Variants in REPS1 observed in about 807,000 individuals in gnomAD.
REPS1 encodes the protein RALBP1 associated Eps domain containing 1.
A neutral mutation model predicts 100.9 loss-of-function variants in REPS1; 39 were observed. That is an observed-to-expected ratio of 0.39 (90% CI 0.30 to 0.50). The LOEUF (loss-of-function observed/expected upper bound fraction) is 0.50. REPS1 is among the 20% of genes least tolerant of loss of function. The pLI is 0.86. For missense variants in REPS1, 821 were observed against 968.5 expected (o/e 0.85, Z 2.02); for synonymous variants, 324 against 340.3 (o/e 0.95, Z 0.53).
At chr6:138,957,039 CA>C (rs57271374) in intron 1 of REPS1, among the ~76,000 whole-genome samples, 41,864 of 145,774 alleles carry the variant, frequency 0.29, 6,473 homozygotes, top group East Asian at 0.55. Context: ...TAGAAAAATA[CA>C]AAAAAAAAAG....
intron 1 of REPS1, among the ~76,000 whole-genome samples, chr6:138,956,190 G>T (rs941269429): frequency 2.6e-5 from 4 of 151,980 alleles, no homozygotes; most frequent in Non-Finnish European, 5.9e-5. Flanking sequence ...TCATTATAAT[G>T]ACAGTAAGGG....
intron 1 of REPS1, among the ~76,000 whole-genome samples, chr6:138,953,120 A>C (rs1783149695): frequency 6.6e-6 from 1 of 152,128 alleles, no homozygotes; most frequent in Admixed American, 6.6e-5. Flanking sequence ...TACAGGTGTG[A>C]GCCATTGCGC....
chr6:138,946,272 GGTAGA>G (rs933921271), intron 2 of REPS1, among the ~76,000 whole-genome samples: 4 of 91,356 alleles, frequency 4.4e-5, no homozygotes, highest in Admixed American at 1.2e-4. Context: ...CCAAAAATAT[GGTAGA>G]GTATTCTATC....
At chr6:138,918,622 T>A (rs1780562145) in intron 12 of REPS1, among the ~76,000 whole-genome samples, 2 of 152,190 alleles carry the variant, frequency 1.3e-5, no homozygotes, top group Non-Finnish European at 1.5e-5. Context: ...GACAAAAAGG[T>A]CGCTTTTAAA....
chr6:138,933,540 G>GCTTA (rs144794157), intron 8 of REPS1, among the ~76,000 whole-genome samples: 10,643 of 152,094 alleles, frequency 0.07, 690 homozygotes, highest in East Asian at 0.21. Flanking sequence ...ATCTCACAGG[G>GCTTA]CTTAGTTTTT....
chr6:138,967,844 TATGA>T (rs1260194659), intron 1 of REPS1, among the ~76,000 whole-genome samples: 1 of 152,150 alleles, frequency 6.6e-6, no homozygotes, highest in African/African-American at 2.4e-5. Context: ...CCTGGTACTT[TATGA>T]ATGAATTCAT....
chr6:138,918,328 A>G (rs537528135), intron 12 of REPS1, among the ~76,000 whole-genome samples: 2 of 152,350 alleles, frequency 1.3e-5, no homozygotes, highest in South Asian at 4.1e-4. Context: ...GAGGATGTGC[A>G]TAGGTTACAT....
At chr6:138,987,070 C>A (rs1176534566) in intron 1 of REPS1, among the ~76,000 whole-genome samples, 1 of 152,106 alleles carries the variant, frequency 6.6e-6, no homozygotes, top group Non-Finnish European at 1.5e-5. Flanking sequence ...AAAACTGCTT[C>A]TTCGATTCCT....
intron 1 of REPS1, among the ~76,000 whole-genome samples, chr6:138,975,988 T>C (rs376952315): frequency 6.6e-6 from 1 of 152,232 alleles, no homozygotes; most frequent in African/African-American, 2.4e-5. Context: ...CCAAAGTCTA[T>C]GCTATTTTGA....
intron 6 of REPS1, 138 bp from the exon 7 acceptor site, chr6:138,943,714 AT>A (rs1782417933): frequency 9.7e-7 from 1 of 1,035,234 alleles, no homozygotes; most frequent in African/African-American, 1.6e-5. Context: ...GCCCCCAGTG[AT>A]TATAAATTCT....
chr6:138,945,520 C>T lies in REPS1; in HGVS notation c.455G>A (p.Arg152His), dbSNP rs753137115. Residue 152 changes from arginine (R) to histidine (H), a missense_variant, in exon 3 of 20, where the codon CGT (arginine) becomes CAT (histidine). Arg to His is a conservative substitution (Grantham distance 29, BLOSUM62 0). Around this residue, in one of 3 missense-constraint regions of REPS1, gnomAD observed 757 missense variants for 866.4 expected, o/e 0.87. Transcript: ENST00000450536. ...GATTACCTGTGCATCTGCAGATGTACGAGGCTGAACCGTATCATGGCTTAC... is the reference window on the plus strand; with the variant it reads ...GATTACCTGTGCATCTGCAGATGTATGAGGCTGAACCGTATCATGGCTTAC... Reference protein sequence around the residue: ...GSVSHDTVQPRTSADAQEPAS... With the variant: ...GSVSHDTVQPHTSADAQEPAS... The T allele has an allele frequency of 9.3e-6, 15 of 1,604,904 alleles. No individual in the cohort carries two copies. Among genetic ancestry groups the T allele is most frequent in the South Asian group, 9.0e-5 (8 of 89,146 alleles).
intron 1 of REPS1, among the ~76,000 whole-genome samples, chr6:138,971,467 T>A (rs1485910080): frequency 3.4e-5 from 5 of 149,026 alleles, no homozygotes; most frequent in African/African-American, 1.3e-4. Context: ...CTCATTATAT[T>A]TTATGAAAAA....
chr6:138,914,847 T>G (rs912589731), intron 14 of REPS1, 86 bp from the exon 15 acceptor site: 1 of 1,104,892 alleles, frequency 9.1e-7, no homozygotes, highest in East Asian at 2.4e-5. Flanking sequence ...TGTGACTACA[T>G]GATAAAGATT....
chr6:138,943,748 T>C, intron 6 of REPS1, 105 bp downstream of exon 6: 1 of 1,121,646 alleles, frequency 8.9e-7, no homozygotes, highest in Non-Finnish European at 1.2e-6. Flanking sequence ...AATCTGATAA[T>C]TATTTTATAA....
At chr6:138,946,957 T>C (rs907101678) in intron 2 of REPS1, among the ~76,000 whole-genome samples, 3 of 151,892 alleles carry the variant, frequency 2.0e-5, no homozygotes, top group Non-Finnish European at 4.4e-5. Context: ...TGGGGGCGGT[T>C]CCCCCATGCT....
chr6:138,911,122 T>TA (rs1330871565), intron 17 of REPS1, 154 bp downstream of exon 17: 3 of 576,772 alleles, frequency 5.2e-6, no homozygotes, highest in Non-Finnish European at 9.2e-6. Context: ...TCATCTCCAT[T>TA]AAATAGGCAG....
chr6:138,978,808 C>CA (rs1441472523), intron 1 of REPS1, among the ~76,000 whole-genome samples: 1 of 152,154 alleles, frequency 6.6e-6, no homozygotes, highest in Non-Finnish European at 1.5e-5. Context: ...AACATCCTCC[C>CA]ACTAAATCTA....
intron 17 of REPS1, 54 bp from the exon 18 acceptor site, chr6:138,908,870 A>G: frequency 6.5e-7 from 1 of 1,537,488 alleles, no homozygotes; most frequent in Non-Finnish European, 8.8e-7. Flanking sequence ...ATTCATAGTT[A>G]GCACTTTGCA....
intron 1 of REPS1, among the ~76,000 whole-genome samples, chr6:138,979,205 AAAAAAC>A (rs1784788791): frequency 6.6e-6 from 1 of 150,586 alleles, no homozygotes; most frequent in African/African-American, 2.5e-5. Context: ...AAACAAAAAA[AAAAAAC>A]TGAAGAAGTA....
Sources: gnomAD v4.1 joint callset for allele counts (sites outside exome capture counted in the v4.1 genomes callset) on GRCh38, gnomAD v4.1.1 for gene constraint, gnomAD v4.1.1 regional missense constraint, MANE v1.5 for transcripts, NCBI Gene and HGNC (gene_info 2026-07-23, HGNC 2026-07-21) for gene names.